The following CCDC85A variants were observed in gnomAD, a reference collection of about 807,000 sequenced individuals.
The protein encoded by CCDC85A is coiled-coil domain-containing protein 85A.
CCDC85A carries 38 observed loss-of-function variants against 50.2 expected under a neutral mutation model. That is an observed-to-expected ratio of 0.76 (90% CI 0.58 to 0.99). The LOEUF (loss-of-function observed/expected upper bound fraction) is 0.99, where lower values mean the gene tolerates loss of function less well. Among genes scored for constraint, CCDC85A ranks in the 50% least tolerant of loss-of-function variants. CCDC85A has a pLI of 0.00. For synonymous variants in CCDC85A, 366 were observed against 301.4 expected (o/e 1.21, Z -2.22); for missense variants, 820 against 742.0 (o/e 1.11, Z -1.22).
Position 56,184,028 on chromosome 2 carries a change from G to A in CCDC85A, c.-597G>A. 1.0e-6 allele frequency: 1 copy of A among 985,172 alleles called. No individual in the cohort carries two copies. Among genetic ancestry groups the A allele is most frequent in the Non-Finnish European group, 1.2e-6 (1 of 829,756 alleles). 61.0% of individuals were successfully genotyped at this position (985,172 alleles called of 1,614,324 possible). A position where few individuals can be genotyped will look rare whatever the true frequency, so the allele number is the denominator to read the frequency against. Reference sequence around the variant, plus strand: ...CTCTGCAAATCGAAGGCTTTCCGGAGCAGCCTAGGAGCGGCCGCGGGCGCA... The same window carrying A: ...CTCTGCAAATCGAAGGCTTTCCGGAACAGCCTAGGAGCGGCCGCGGGCGCA... On this transcript the variant is annotated 5_prime_UTR_variant, in exon 1 of 6. Transcript: ENST00000407595.
chr2:56,233,455 G>A (rs1015889300), intron 2 of CCDC85A, among the ~76,000 whole-genome samples: 26 of 152,168 alleles, frequency 1.7e-4, no homozygotes, highest in Non-Finnish European at 7.3e-5. Context: ...GGCTGGCTTT[G>A]CAGGGCCCAA....
intron 2 of CCDC85A, among the ~76,000 whole-genome samples, chr2:56,328,810 T>A (rs1673608651): frequency 6.6e-6 from 1 of 152,184 alleles, no homozygotes; most frequent in South Asian, 2.1e-4. Context: ...TCTGCGCCAC[T>A]GCCCTGGCTC....
intron 2 of CCDC85A, among the ~76,000 whole-genome samples, chr2:56,314,454 T>C (rs1371174787): frequency 1.3e-5 from 2 of 151,854 alleles, no homozygotes; most frequent in Non-Finnish European, 2.9e-5. Context: ...TTGTGTAGAG[T>C]TTTCCTTTCC....
At chr2:56,251,775 T>C (rs1293885422) in intron 2 of CCDC85A, among the ~76,000 whole-genome samples, 1 of 152,118 alleles carries the variant, frequency 6.6e-6, no homozygotes, top group Non-Finnish European at 1.5e-5. Context: ...CTTTTTAGGA[T>C]AAGGACCAGG....
At chr2:56,288,369 C>G (rs1427758087) in intron 2 of CCDC85A, among the ~76,000 whole-genome samples, 2 of 151,304 alleles carry the variant, frequency 1.3e-5, no homozygotes, top group East Asian at 3.9e-4. Context: ...AAGCAGAAAA[C>G]CGGGAATGAA....
chr2:56,380,092 A>T (rs1676514527), intron 5 of CCDC85A, among the ~76,000 whole-genome samples: 1 of 152,162 alleles, frequency 6.6e-6, no homozygotes, highest in Non-Finnish European at 1.5e-5. Flanking sequence ...CTCTACAAAC[A>T]TTTGCTAATA....
chr2:56,280,239 AG>A (rs1385425426), intron 2 of CCDC85A, among the ~76,000 whole-genome samples: 2 of 152,278 alleles, frequency 1.3e-5, no homozygotes, highest in East Asian at 3.9e-4. Flanking sequence ...AGCTGGGCAA[AG>A]GCCCTTCCTT....
At chr2:56,369,983 AC>A (rs940527892) in intron 3 of CCDC85A, among the ~76,000 whole-genome samples, 2 of 152,168 alleles carry the variant, frequency 1.3e-5, no homozygotes, top group African/African-American at 4.8e-5. Flanking sequence ...GTGAGTACTT[AC>A]CACAGAGTAA....
chr2:56,208,482 A>G (rs897327691), intron 2 of CCDC85A, among the ~76,000 whole-genome samples: 1 of 152,036 alleles, frequency 6.6e-6, no homozygotes, highest in Non-Finnish European at 1.5e-5. Context: ...TACAACACAT[A>G]TTTTATTCCC....
At chr2:56,261,450 T>C (rs1670215502) in intron 2 of CCDC85A, among the ~76,000 whole-genome samples, 1 of 152,208 alleles carries the variant, frequency 6.6e-6, no homozygotes, top group Non-Finnish European at 1.5e-5. Context: ...CTAAGATTGT[T>C]CTCATTTAAG....
intron 3 of CCDC85A, among the ~76,000 whole-genome samples, chr2:56,359,019 G>A (rs1473333369): frequency 6.6e-6 from 1 of 150,626 alleles, no homozygotes; most frequent in Non-Finnish European, 1.5e-5. Context: ...GGCCAGGCTG[G>A]TCTTGAACTC....
intron 2 of CCDC85A, among the ~76,000 whole-genome samples, chr2:56,342,672 A>G (rs1458764237): frequency 6.6e-6 from 1 of 152,068 alleles, no homozygotes; most frequent in East Asian, 1.9e-4. Context: ...CTTATCTAAT[A>G]TTTCTTAACG....
At chr2:56,206,901 A>G (rs755006729) in intron 2 of CCDC85A, among the ~76,000 whole-genome samples, 2 of 152,176 alleles carry the variant, frequency 1.3e-5, no homozygotes. Flanking sequence ...GCAATGAAGG[A>G]GTCATCAGTT....
chr2:56,217,347 T>C (rs986683198), intron 2 of CCDC85A, among the ~76,000 whole-genome samples: 2 of 151,858 alleles, frequency 1.3e-5, no homozygotes, highest in Non-Finnish European at 2.9e-5. Context: ...TCCTCTGATG[T>C]TGGAGGAGGA....
At chr2:56,224,081 A>G (rs1202162370) in intron 2 of CCDC85A, among the ~76,000 whole-genome samples, 4 of 152,206 alleles carry the variant, frequency 2.6e-5, no homozygotes, top group Non-Finnish European at 4.4e-5. Flanking sequence ...TCCCCAAAAT[A>G]TCATTTGCAT....
intron 2 of CCDC85A, among the ~76,000 whole-genome samples, chr2:56,279,391 C>T (rs376525305): frequency 6.6e-6 from 1 of 152,052 alleles, no homozygotes; most frequent in Non-Finnish European, 1.5e-5. Context: ...AAAGAACCTC[C>T]ATAACCATTA....
intron 2 of CCDC85A, among the ~76,000 whole-genome samples, chr2:56,256,743 C>A (rs1558609154): frequency 6.6e-6 from 1 of 152,212 alleles, no homozygotes; most frequent in Non-Finnish European, 1.5e-5. Context: ...GTCTGAGTGG[C>A]ATGAATGACT....
intron 5 of CCDC85A, among the ~76,000 whole-genome samples, chr2:56,378,876 C>A (rs915224937): frequency 6.6e-6 from 1 of 152,096 alleles, no homozygotes; most frequent in African/African-American, 2.4e-5. Flanking sequence ...ATAGGAACTT[C>A]TAGGGAGAGC....
chr2:56,237,099 C>A (rs1669052978), intron 2 of CCDC85A, among the ~76,000 whole-genome samples: 1 of 151,940 alleles, frequency 6.6e-6, no homozygotes, highest in Non-Finnish European at 1.5e-5. Context: ...AGGCATTTTT[C>A]TTATGTTGGG....
Sources: gnomAD v4.1 joint callset for allele counts (sites outside exome capture counted in the v4.1 genomes callset) on GRCh38, gnomAD v4.1.1 for gene constraint, MANE v1.5 for transcripts, NCBI Gene and HGNC (gene_info 2026-07-23, HGNC 2026-07-21) for gene names.